ZFAND3: variants seen among roughly 807,000 people sequenced by gnomAD.
The protein encoded by ZFAND3 is zinc finger AN1-type containing 3.
Under a neutral mutation model 29.6 loss-of-function variants are expected in ZFAND3, and 10 were observed. That is an observed-to-expected ratio of 0.34 (90% CI 0.21 to 0.57). ZFAND3 has a LOEUF of 0.57. Ranked by LOEUF, ZFAND3 falls within the 20% of genes least tolerant of loss-of-function variation. ZFAND3 has a pLI of 0.86. For synonymous variants in ZFAND3, 128 were observed against 112.6 expected (o/e 1.14, Z -0.87); for missense variants, 230 against 304.5 (o/e 0.76, Z 1.82).
intron 1 of ZFAND3, among the ~76,000 whole-genome samples, chr6:37,887,627 G>A (rs1765019897): frequency 6.6e-6 from 1 of 152,138 alleles, no homozygotes; most frequent in South Asian, 2.1e-4. Context: ...TTTAGATTGG[G>A]GAACTTTGGT....
At chr6:37,886,083 C>G (rs1472749810) in intron 1 of ZFAND3, among the ~76,000 whole-genome samples, 2 of 151,550 alleles carry the variant, frequency 1.3e-5, no homozygotes, top group East Asian at 3.9e-4. Flanking sequence ...ATTAAAAATA[C>G]AAAAACCAGC....
intron 2 of ZFAND3, among the ~76,000 whole-genome samples, chr6:38,044,602 T>TG (rs1403277968): frequency 6.6e-6 from 1 of 152,178 alleles, no homozygotes; most frequent in African/African-American, 2.4e-5. Context: ...AAAAGATGAA[T>TG]GGAATCTAAC....
intron 3 of ZFAND3, among the ~76,000 whole-genome samples, chr6:38,077,558 C>A (rs1276147421): frequency 6.6e-6 from 1 of 152,170 alleles, no homozygotes; most frequent in African/African-American, 2.4e-5. Flanking sequence ...TATTGTGCTT[C>A]TGGCAATGTT....
intron 1 of ZFAND3, among the ~76,000 whole-genome samples, chr6:37,913,183 A>G (rs1222530765): frequency 6.6e-6 from 1 of 152,180 alleles, no homozygotes; most frequent in Non-Finnish European, 1.5e-5. Context: ...AGTTTGCTGC[A>G]TCAATTGCCT....
chr6:37,866,077 T>G (rs1428530442), intron 1 of ZFAND3, among the ~76,000 whole-genome samples: 1 of 152,090 alleles, frequency 6.6e-6, no homozygotes, highest in Non-Finnish European at 1.5e-5. Context: ...TCCTTCTGCC[T>G]CCTCCTCCGC....
chr6:38,071,908 AAC>A (rs1292259012), intron 3 of ZFAND3, among the ~76,000 whole-genome samples: 5 of 152,200 alleles, frequency 3.3e-5, no homozygotes, highest in Non-Finnish European at 7.4e-5. Context: ...TACTTTTAGA[AAC>A]CTACTTTATG....
chr6:38,057,702 CA>C (rs1461571650), intron 2 of ZFAND3, among the ~76,000 whole-genome samples: 1 of 152,156 alleles, frequency 6.6e-6, no homozygotes, highest in Non-Finnish European at 1.5e-5. Context: ...CAGACTTTGG[CA>C]TGGAAGTTAG....
At chr6:38,022,675 G>T (rs1763373385) in intron 2 of ZFAND3, among the ~76,000 whole-genome samples, 1 of 152,174 alleles carries the variant, frequency 6.6e-6, no homozygotes, top group Non-Finnish European at 1.5e-5. Context: ...TATTAATGGG[G>T]TACAGACTTG....
At chr6:37,880,103 TAAAAG>T (rs899065329) in intron 1 of ZFAND3, among the ~76,000 whole-genome samples, 3 of 152,158 alleles carry the variant, frequency 2.0e-5, no homozygotes, top group African/African-American at 4.8e-5. Flanking sequence ...TTCTCAGTAT[TAAAAG>T]AAAGGTGAAT....
chr6:37,889,385 G>T (rs1765054560), intron 1 of ZFAND3, among the ~76,000 whole-genome samples: 1 of 152,142 alleles, frequency 6.6e-6, no homozygotes, highest in African/African-American at 2.4e-5. Flanking sequence ...AAGGAATAAT[G>T]GATTGCTATA....
intron 2 of ZFAND3, among the ~76,000 whole-genome samples, chr6:37,977,272 A>G (rs1166127125): frequency 6.6e-6 from 1 of 152,158 alleles, no homozygotes; most frequent in East Asian, 1.9e-4. Context: ...ACATGATTGT[A>G]CTGGTTAGAC....
intron 2 of ZFAND3, among the ~76,000 whole-genome samples, chr6:37,985,444 A>G (rs1039632175): frequency 6.6e-6 from 1 of 151,928 alleles, no homozygotes; most frequent in Admixed American, 6.6e-5. Flanking sequence ...CCTGGGCAAC[A>G]TGGTGAAACC....
intron 4 of ZFAND3, among the ~76,000 whole-genome samples, chr6:38,097,302 G>C (rs868127559): frequency 6.4e-4 from 95 of 148,194 alleles, no homozygotes; most frequent in Non-Finnish European, 1.1e-3. Flanking sequence ...GTCCAGGTTG[G>C]TCTTGAACTT....
At position 38,047,545 on chromosome 6, in the gene ZFAND3, A is replaced by AAT. The variant is rs150946057; in HGVS notation, c.113-14048_113-14047insAT. Among the ~76,000 whole-genome samples, 612 of 152,298 alleles carry AAT rather than the reference A, an allele frequency of 4.0e-3. 2 individuals are homozygous for AAT. The highest frequency in any genetic ancestry group is 0.014 in the African/African-American group (585 of 41,562). ...GCACACACACTATGAATCCCAGATT[A>AAT]TTGTCCCCACATATTTGGTGCCCCT... is the stretch of plus-strand genomic sequence containing the variant. On this transcript the variant is annotated intron_variant, in intron 2 of 5. Coordinates refer to ENST00000287218, the MANE Select transcript of ZFAND3 (RefSeq NM_021943.3).
At chr6:38,013,785 A>G (rs751011481) in intron 2 of ZFAND3, among the ~76,000 whole-genome samples, 8 of 152,300 alleles carry the variant, frequency 5.3e-5, no homozygotes, top group East Asian at 1.9e-4. Context: ...ACGTGGAATC[A>G]AAGTATTTGG....
chr6:37,834,519 A>C (rs553516786), intron 1 of ZFAND3, among the ~76,000 whole-genome samples: 1 of 152,308 alleles, frequency 6.6e-6, no homozygotes, highest in South Asian at 2.1e-4. Context: ...CATACCAAGG[A>C]ACACAACTGC....
Position 37,955,168 on chromosome 6 carries a change from T to TGTGTGC in ZFAND3, c.112+25173_112+25174insGCGTGT, listed in dbSNP as rs1554162262. On this transcript the variant is annotated intron_variant, in intron 2 of 5. Transcript: ENST00000287218. ...CAATTTTTGTGTGTGTGTGTGTGTG[T>TGTGTGC]GTGTCTCTAAGGGAATCACTGTCCT... Among the ~76,000 whole-genome samples, 60 of 151,558 alleles carry TGTGTGC rather than the reference T, an allele frequency of 4.0e-4. No individual in the cohort carries two copies. The South Asian group carries it at 6.7e-3, about 17-fold the overall frequency.
At chr6:38,139,192 T>C (rs2127494466) in intron 5 of ZFAND3, among the ~76,000 whole-genome samples, 1 of 152,296 alleles carries the variant, frequency 6.6e-6, no homozygotes, top group South Asian at 2.1e-4. Flanking sequence ...GCCCCTTGAA[T>C]ACCTGATTGG....
At chr6:37,965,233 C>G (rs1762271490) in intron 2 of ZFAND3, among the ~76,000 whole-genome samples, 1 of 152,112 alleles carries the variant, frequency 6.6e-6, no homozygotes, top group South Asian at 2.1e-4. Context: ...CCCTTAATTT[C>G]TCTACTTACT....
Sources: allele counts gnomAD v4.1 joint callset (sites outside exome capture counted in the v4.1 genomes callset), GRCh38; gene constraint gnomAD v4.1.1; transcripts MANE v1.5; gene names NCBI Gene and HGNC (gene_info 2026-07-23, HGNC 2026-07-21).